ADSS2: variants seen among roughly 807,000 people sequenced by gnomAD.
ADSS2 encodes adenylosuccinate synthase 2, also known as adenylosuccinate synthetase isozyme 2.
Under a neutral mutation model 60.0 loss-of-function variants are expected in ADSS2, and 30 were observed. That is an observed-to-expected ratio of 0.50 (90% CI 0.37 to 0.68). ADSS2 has a LOEUF of 0.68. Ranked by LOEUF, ADSS2 falls within the 30% of genes least tolerant of loss-of-function variation. ADSS2 has a pLI of 0.00. For synonymous variants in ADSS2, 187 were observed against 193.1 expected (o/e 0.97, Z 0.26); for missense variants, 373 against 554.8 (o/e 0.67, Z 3.29).
At chr1:244,433,844 G>A (rs1424536902) in intron 3 of ADSS2, among the ~76,000 whole-genome samples, 1 of 114,646 alleles carries the variant, frequency 8.7e-6, no homozygotes, top group African/African-American at 3.3e-5. Context: ...TGGCAACAGA[G>A]CAAGACTCCA....
intron 6 of ADSS2, among the ~76,000 whole-genome samples, chr1:244,423,550 A>G (rs1217925511): frequency 2.0e-5 from 3 of 152,136 alleles, no homozygotes; most frequent in African/African-American, 7.2e-5. Flanking sequence ...ATAATTCACC[A>G]GTATCTGAGA....
At chr1:244,440,039 A>G (rs1270420971) in intron 1 of ADSS2, among the ~76,000 whole-genome samples, 1 of 152,224 alleles carries the variant, frequency 6.6e-6, no homozygotes, top group Non-Finnish European at 1.5e-5. Context: ...AAGGGGTGGT[A>G]TCAGCAATTC....
intron 2 of ADSS2, among the ~76,000 whole-genome samples, 166 bp from the exon 3 acceptor site, chr1:244,437,059 A>T (rs1346958691): frequency 6.6e-6 from 1 of 152,218 alleles, no homozygotes; most frequent in Non-Finnish European, 1.5e-5. Context: ...AATATAAAAC[A>T]CTAGAATTAT....
rs1338896055 is a variant in ADSS2, at chr1:244,451,603, C to T, written c.183+32G>A. 2 of 1,580,860 alleles carry T rather than the reference C, an allele frequency of 1.3e-6. No individual in the cohort carries two copies. Among genetic ancestry groups the T allele is most frequent in the Non-Finnish European group, 1.7e-6 (2 of 1,163,230 alleles). On this transcript the variant is annotated intron_variant, in intron 1 of 12. Transcript: ENST00000366535. This position sits in a 1 kb window ranked among gnomAD's most constrained non-coding sequence, Gnocchi z 6.6. ...AGCCAGGCAGCCCGAGCTCCCGGGCCCGGCTTCCCATGAGAGGCCCCGTCG... is the reference window on the plus strand; with the variant it reads ...AGCCAGGCAGCCCGAGCTCCCGGGCTCGGCTTCCCATGAGAGGCCCCGTCG...
intron 4 of ADSS2, among the ~76,000 whole-genome samples, chr1:244,425,315 C>T (rs1044224685): frequency 6.6e-6 from 1 of 152,178 alleles, no homozygotes; most frequent in Non-Finnish European, 1.5e-5. Flanking sequence ...TTATACACCA[C>T]AAAATTCATC....
chr1:244,451,891 C>T lies in ADSS2; in HGVS notation c.-74G>A, dbSNP rs1008991878. On this transcript the variant is annotated 5_prime_UTR_variant, in exon 1 of 13. Transcript: ENST00000366535. This position sits in a 1 kb window ranked among gnomAD's most constrained non-coding sequence, Gnocchi z 6.6. ...GTGAGCGAACTGAACTGCTCTGCGG[C>T]CGCCAGCCACATGCAGAGGAAGAAG... 1.9e-4 allele frequency: 262 copies of T among 1,386,738 alleles called. No homozygotes were observed. The African/African-American group carries it at 3.1e-3, about 17-fold the overall frequency. 85.9% of individuals were successfully genotyped at this position (1,386,738 alleles called of 1,614,324 possible). A position where few individuals can be genotyped will look rare whatever the true frequency, so the allele number is the denominator to read the frequency against.
intron 10 of ADSS2, among the ~76,000 whole-genome samples, chr1:244,417,006 A>C (rs892680249): frequency 1.3e-5 from 2 of 152,254 alleles, no homozygotes; most frequent in African/African-American, 4.8e-5. Flanking sequence ...AGTTCAGTCT[A>C]ATACAGATAT....
chr1:244,423,343 A>T (rs1377198143), intron 6 of ADSS2, among the ~76,000 whole-genome samples: 5 of 152,212 alleles, frequency 3.3e-5, no homozygotes, highest in African/African-American at 1.2e-4. Flanking sequence ...CAGTGCAGAC[A>T]AATGTTGAGT....
chr1:244,422,195 T>C (rs1276729235), intron 7 of ADSS2, among the ~76,000 whole-genome samples: 1 of 152,194 alleles, frequency 6.6e-6, no homozygotes, highest in Non-Finnish European at 1.5e-5. Flanking sequence ...GTTCTGGAAC[T>C]GATATTGATA....
chr1:244,414,555 G>C lies in ADSS2; in HGVS notation c.1168+1426C>G, dbSNP rs569020825. Among the ~76,000 whole-genome samples the C allele has an allele frequency of 7.9e-5, 12 of 152,250 alleles. No homozygotes were observed. In the South Asian group the frequency reaches 2.5e-3, roughly 32 times the overall value. ...GGAGCCTTAGCTTAAAGCTTAATGGGACTTTTGCTTCTACTTTCCTGCTGT... is the reference window on the plus strand; with the variant it reads ...GGAGCCTTAGCTTAAAGCTTAATGGCACTTTTGCTTCTACTTTCCTGCTGT... On this transcript the variant is annotated intron_variant, in intron 11 of 12. Transcript: ENST00000366535.
At position 244,418,827 on chromosome 1, in the gene ADSS2, A is replaced by C; in HGVS notation, c.878T>G (p.Val293Gly). ...LGMPPQNVGE[V>G]YGVVKAYTTR... Reference sequence around the variant, plus strand: ...TGTATAAGCTTTCACAACTCCATACACTTCTCCAACATTTTGAGGTGGCAT... The same window carrying C: ...TGTATAAGCTTTCACAACTCCATACCCTTCTCCAACATTTTGAGGTGGCAT... Residue 293 changes from valine to glycine, a missense_variant, in exon 9 of 13, where the codon GTG (valine) becomes GGG (glycine). Val to Gly is a moderately radical substitution (Grantham distance 109). Around this residue, in one of 5 missense-constraint regions of ADSS2, gnomAD observed 28 missense variants for 74.4 expected, o/e 0.38. Coordinates refer to ENST00000366535, the MANE Select transcript of ADSS2 (RefSeq NM_001126.5). The C allele has an allele frequency of 6.2e-7, 1 of 1,614,036 alleles. No homozygotes were observed. Among genetic ancestry groups the C allele is most frequent in the Non-Finnish European group, 8.5e-7 (1 of 1,179,962 alleles).
intron 1 of ADSS2, among the ~76,000 whole-genome samples, chr1:244,448,040 T>A (rs1665438450): frequency 6.6e-6 from 1 of 152,156 alleles, no homozygotes. Context: ...AATACTTATA[T>A]ACTAGGGAAA....
intron 11 of ADSS2, among the ~76,000 whole-genome samples, chr1:244,412,265 G>A (rs1166073602): frequency 6.6e-6 from 1 of 152,182 alleles, no homozygotes; most frequent in Non-Finnish European, 1.5e-5. Context: ...GCCTAATCCT[G>A]CTTCTCCCAC....
Position 244,439,986 on chromosome 1 carries a change from A to G in ADSS2, c.184-2218T>C, listed in dbSNP as rs184287379. ...TCACTGCATTCTCCTGCCTCGAAGC[A>G]CACAGATTCTCTCTCAGCGCCCCAT... is the stretch of plus-strand genomic sequence containing the variant. On this transcript the variant is annotated intron_variant, in intron 1 of 12. Coordinates refer to ENST00000366535, the MANE Select transcript of ADSS2 (RefSeq NM_001126.5). Among the ~76,000 whole-genome samples, 23 of 152,308 alleles carry G rather than the reference A, an allele frequency of 1.5e-4. No homozygotes were observed. In the East Asian group the frequency reaches 4.2e-3, roughly 28 times the overall value.
chr1:244,415,734 G>C (rs897085458), intron 11 of ADSS2, among the ~76,000 whole-genome samples: 2 of 152,194 alleles, frequency 1.3e-5, no homozygotes, highest in African/African-American at 4.8e-5. Context: ...CTCAAGAGCT[G>C]TATGGCTAGG....
At chr1:244,412,097 C>A (rs963393458) in intron 11 of ADSS2, among the ~76,000 whole-genome samples, 1 of 152,200 alleles carries the variant, frequency 6.6e-6, no homozygotes, top group Non-Finnish European at 1.5e-5. Flanking sequence ...TGCCCCCCAG[C>A]AGCCCATATC....
At chr1:244,442,318 G>A (rs1043458427) in intron 1 of ADSS2, among the ~76,000 whole-genome samples, 2 of 151,906 alleles carry the variant, frequency 1.3e-5, no homozygotes, top group African/African-American at 4.8e-5. Flanking sequence ...GGGAAAAATT[G>A]GCTTAACTCC....
intron 8 of ADSS2, 81 bp downstream of exon 8, chr1:244,420,089 T>A: frequency 7.1e-7 from 1 of 1,411,330 alleles, no homozygotes; most frequent in Non-Finnish European, 9.6e-7. Context: ...TAAAACTCCT[T>A]AATGCTAACA....
chr1:244,428,357 T>TA (rs2148000794), intron 4 of ADSS2, among the ~76,000 whole-genome samples: 1 of 152,290 alleles, frequency 6.6e-6, no homozygotes, highest in South Asian at 2.1e-4. Flanking sequence ...ACTTATAAGT[T>TA]AAAATAGAAA....
Sources: allele counts gnomAD v4.1 joint callset (sites outside exome capture counted in the v4.1 genomes callset), GRCh38; gene constraint gnomAD v4.1.1; regional missense constraint gnomAD v4.1.1; non-coding constraint Gnocchi (gnomAD v3.1); transcripts MANE v1.5; gene names NCBI Gene and HGNC (gene_info 2026-07-23, HGNC 2026-07-21).